NPHS2: variants seen among roughly 807,000 people sequenced by gnomAD.
The protein encoded by NPHS2 is NPHS2 stomatin family member, podocin, also known as podocin.
NPHS2 carries 36 observed loss-of-function variants against 37.1 expected under a neutral mutation model. That is an observed-to-expected ratio of 0.97 (90% confidence interval 0.74 to 1.28). NPHS2 has a LOEUF of 1.28. NPHS2 is among the 50% of genes most tolerant of loss of function. The probability of loss-of-function intolerance (pLI) is 0.00; values close to 1 mark genes in which losing one functional copy is unlikely to be tolerated. For synonymous variants in NPHS2, 196 were observed against 189.3 expected (o/e 1.04, Z -0.29); for missense variants, 447 against 488.1 (o/e 0.92, Z 0.79).
At chr1:179,572,041 G>A (rs1216272140) in intron 1 of NPHS2, among the ~76,000 whole-genome samples, 2 of 152,240 alleles carry the variant, frequency 1.3e-5, no homozygotes, top group Non-Finnish European at 1.5e-5. Context: ...GCAACGCCCT[G>A]CCCTGCTTCA....
chr1:179,562,941 A>C (rs75999399), intron 2 of NPHS2, among the ~76,000 whole-genome samples: 1 of 152,178 alleles, frequency 6.6e-6, no homozygotes, highest in South Asian at 2.1e-4. Flanking sequence ...CTTAGGGCTT[A>C]CCATCTTAAG....
Position 179,552,830 on chromosome 1 carries a change from G to T in NPHS2, c.795-149C>A, listed in dbSNP as rs1419653601. 3 of 695,470 alleles carry T rather than the reference G, an allele frequency of 4.3e-6. No homozygotes were observed. The East Asian group carries it at 8.2e-5, about 19-fold the overall frequency. 43.1% of individuals were successfully genotyped at this position (695,470 alleles called of 1,614,324 possible). A position where few individuals can be genotyped will look rare whatever the true frequency, so the allele number is the denominator to read the frequency against. Reference sequence around the variant, plus strand: ...AGTGTGCCATTCCTAGACTTCTGAGGTCAAAAGTAGGCAGATCTCCAAGGT... The same window carrying T: ...AGTGTGCCATTCCTAGACTTCTGAGTTCAAAAGTAGGCAGATCTCCAAGGT... On this transcript the variant is annotated intron_variant, in intron 6 of 7. Coordinates refer to ENST00000367615, the MANE Select transcript of NPHS2 (RefSeq NM_014625.4).
Position 179,557,139 on chromosome 1 carries a change from T to G in NPHS2, c.626A>C (p.His209Pro). Residue 209 changes from histidine (H) to proline (P), a missense_variant, in exon 5 of 8, where the codon CAT (histidine) becomes CCT (proline). Physicochemically the swap from His to Pro is moderately conservative, Grantham distance 77 (BLOSUM62 -2). Transcript: ENST00000367615. ...NASLLLSSLA[H>P]VSKAVQFLVQ... ...AAGGAATTGCACAGCTTTAGATACA[T>G]GAGCAAGACTGCTTAGGAGAAGAGA... 3 of 1,614,074 alleles carry G rather than the reference T, an allele frequency of 1.9e-6. No homozygotes were observed. Among genetic ancestry groups the G allele is most frequent in the Non-Finnish European group, 2.5e-6 (3 of 1,179,964 alleles).
At position 179,556,928 on chromosome 1, in the gene NPHS2, G is replaced by T; in HGVS notation, c.738+99C>A. 4.2e-6 allele frequency: 5 copies of T among 1,185,898 alleles called. No homozygotes were observed. Among genetic ancestry groups the T allele is most frequent in the Non-Finnish European group, 6.1e-6 (5 of 822,926 alleles). The allele number at this position is 1,185,898 out of a possible 1,614,324, so 73.5% of individuals were successfully genotyped here. ...GAGCTCCCAAAGGGATGGCCCCTAA[G>T]GGATGGAACTGGCCATAGAAGATTT... On this transcript the variant is annotated intron_variant, in intron 5 of 7. Transcript: ENST00000367615. The surrounding 1 kb of genome is among the most constrained non-coding windows in gnomAD (Gnocchi z 4.1).
At chr1:179,569,250 A>G (rs964777417) in intron 1 of NPHS2, among the ~76,000 whole-genome samples, 11 of 151,998 alleles carry the variant, frequency 7.2e-5, no homozygotes, top group African/African-American at 2.4e-4. Flanking sequence ...TTGGGTGCAT[A>G]TATATTTAGG....
chr1:179,565,048 A>T (rs1674283090), intron 1 of NPHS2, among the ~76,000 whole-genome samples: 1 of 152,044 alleles, frequency 6.6e-6, no homozygotes, highest in African/African-American at 2.4e-5. Flanking sequence ...AGGTGAGAGG[A>T]TCGCTTGAGT....
chr1:179,552,779 A>G, intron 6 of NPHS2, 98 bp from the exon 7 acceptor site: 1 of 906,794 alleles, frequency 1.1e-6, no homozygotes, highest in Middle Eastern at 2.1e-4. Context: ...CTGTCTCATG[A>G]TGAGTAGCAA....
At chr1:179,571,306 A>T (rs182114176) in intron 1 of NPHS2, among the ~76,000 whole-genome samples, 1 of 152,252 alleles carries the variant, frequency 6.6e-6, no homozygotes, top group African/African-American at 2.4e-5. Context: ...TTAGTTTTCC[A>T]TCTAACAGTC....
Position 179,556,998 on chromosome 1 carries a change from C to A in NPHS2, c.738+29G>T. Reference sequence around the variant, plus strand: ...AATGAATAAAAGATAAATATTTCAGCATATTGGCCATTATGTTTATCTAAG... The same window carrying A: ...AATGAATAAAAGATAAATATTTCAGAATATTGGCCATTATGTTTATCTAAG... On this transcript the variant is annotated intron_variant, in intron 5 of 7. Transcript: ENST00000367615. The surrounding 1 kb of genome is among the most constrained non-coding windows in gnomAD (Gnocchi z 4.1). The A allele has an allele frequency of 6.5e-7, 1 of 1,535,532 alleles. No individual in the cohort carries two copies. The highest frequency in any genetic ancestry group is 9.0e-7 in the Non-Finnish European group (1 of 1,112,962).
intron 5 of NPHS2, among the ~76,000 whole-genome samples, chr1:179,555,732 T>C (rs16854338): frequency 0.02 from 3,078 of 152,300 alleles, 110 homozygotes; most frequent in African/African-American, 0.071. Context: ...TGCTGAATGC[T>C]GGACAAAAGC....
At chr1:179,568,201 T>G (rs913547375) in intron 1 of NPHS2, among the ~76,000 whole-genome samples, 1 of 152,220 alleles carries the variant, frequency 6.6e-6, no homozygotes, top group Non-Finnish European at 1.5e-5. Flanking sequence ...TTTTGGTTGG[T>G]AGGCTATTAT....
chr1:179,559,651 A>G, intron 4 of NPHS2, 28 bp downstream of exon 4: 2 of 1,459,350 alleles, frequency 1.4e-6, no homozygotes, highest in Non-Finnish European at 1.9e-6. Flanking sequence ...AAATGTATAG[A>G]GAAAGCAAAA....
chr1:179,569,461 A>G (rs1288413464), intron 1 of NPHS2, among the ~76,000 whole-genome samples: 1 of 152,138 alleles, frequency 6.6e-6, no homozygotes, highest in Non-Finnish European at 1.5e-5. Flanking sequence ...GGGTCTCTGA[A>G]TACAGCACAC....
chr1:179,575,509 G>C (rs1204787801), intron 1 of NPHS2, 82 bp downstream of exon 1: 15 of 1,567,914 alleles, frequency 9.6e-6, no homozygotes, highest in Non-Finnish European at 1.3e-5. Context: ...AGTGGGTCTC[G>C]TGGGGATGAC....
Position 179,575,587 on chromosome 1 carries a change from G to A in NPHS2, c.274+4C>T, listed in dbSNP as rs781777746. ...AGTAGCAGATAGTGGTGCTGAATCC[G>A]TACCTTCCTCGGGCCGCTCGCTCTC... On this transcript the variant is annotated splice_donor_region_variant and intron_variant, in intron 1 of 7. Transcript: ENST00000367615. 6.2e-7 allele frequency: 1 copy of A among 1,600,874 alleles called. No homozygotes were observed. Among genetic ancestry groups the A allele is most frequent in the South Asian group, 1.1e-5 (1 of 91,058 alleles).
chr1:179,561,499 T>C, intron 2 of NPHS2, 138 bp from the exon 3 acceptor site: 2 of 665,854 alleles, frequency 3.0e-6, no homozygotes, highest in Non-Finnish European at 5.4e-6. Context: ...TACTTAAGTT[T>C]CCAAAATCTA....
In NPHS2 at chr1:179,550,996, C is replaced by G; in HGVS notation, c.*177G>C. On this transcript the variant is annotated 3_prime_UTR_variant, in exon 8 of 8. Coordinates refer to ENST00000367615, the MANE Select transcript of NPHS2 (RefSeq NM_014625.4). ...CACGGAAACATGTTGTCTGCCTTCT[C>G]TGTCATTACATCATTTCACCGTCTT... The G allele has an allele frequency of 1.4e-6, 1 of 727,082 alleles. No individual in the cohort carries two copies. The highest frequency in any genetic ancestry group is 2.3e-6 in the Non-Finnish European group (1 of 435,784). 45.0% of individuals were successfully genotyped at this position (727,082 alleles called of 1,614,324 possible). A position where few individuals can be genotyped will look rare whatever the true frequency, so the allele number is the denominator to read the frequency against.
At chr1:179,554,576 G>A in intron 5 of NPHS2, 45 bp from the exon 6 acceptor site, 1 of 1,613,804 alleles carries the variant, frequency 6.2e-7, no homozygotes, top group African/African-American at 1.3e-5. Context: ...CTCCAGGTGG[G>A]AGGAGAGCAT....
chr1:179,552,560 G>A (rs771086185), intron 7 of NPHS2, 43 bp downstream of exon 7: 1 of 1,485,726 alleles, frequency 6.7e-7, no homozygotes, highest in East Asian at 2.3e-5. Context: ...CCACGAGCAG[G>A]CCTTCCTAAA....
Sources: gnomAD v4.1 joint callset for allele counts (sites outside exome capture counted in the v4.1 genomes callset) on GRCh38, gnomAD v4.1.1 for gene constraint, Gnocchi (gnomAD v3.1) non-coding constraint, MANE v1.5 for transcripts, NCBI Gene and HGNC (gene_info 2026-07-23, HGNC 2026-07-21) for gene names.